The following ST6GALNAC3 variants were observed in gnomAD, a reference collection of about 807,000 sequenced individuals.
ST6GALNAC3 encodes the protein alpha-N-acetylgalactosaminide alpha-2,6-sialyltransferase 3.
Under a neutral mutation model 32.7 loss-of-function variants are expected in ST6GALNAC3, and 25 were observed. The observed-to-expected ratio is 0.76, with a 90% CI of 0.56 to 1.07. The LOEUF (loss-of-function observed/expected upper bound fraction) is 1.07. Among genes scored for constraint, ST6GALNAC3 ranks in the 50% least tolerant of loss-of-function variants. The probability of loss-of-function intolerance (pLI) is 0.00; values close to 1 mark genes in which losing one functional copy is unlikely to be tolerated. For missense variants in ST6GALNAC3, 355 were observed against 382.4 expected (o/e 0.93, Z 0.60); for synonymous variants, 129 against 133.1 (o/e 0.97, Z 0.21).
chr1:76,440,333 A>G (rs1439727153), intron 3 of ST6GALNAC3, among the ~76,000 whole-genome samples: 1 of 152,244 alleles, frequency 6.6e-6, no homozygotes, highest in Non-Finnish European at 1.5e-5. Flanking sequence ...ACATTTTCGA[A>G]AAGTAAGCCT....
intron 2 of ST6GALNAC3, among the ~76,000 whole-genome samples, chr1:76,379,996 GA>G (rs1282844821): frequency 6.6e-6 from 1 of 152,124 alleles, no homozygotes; most frequent in Non-Finnish European, 1.5e-5. Flanking sequence ...TTGTTGCAGA[GA>G]ATCTGAATCA....
rs138366263 is a variant in ST6GALNAC3 at position 76,360,340 on chromosome 1, A to G, written c.213+46341A>G. Among the ~76,000 whole-genome samples, 669 of 152,062 alleles carry G rather than the reference A, an allele frequency of 4.4e-3. 5 individuals are homozygous for G. The highest frequency in any genetic ancestry group is 0.034 in the Middle Eastern group (10 of 294). The stretch of plus-strand genomic sequence containing the variant: ...ACAGCTCTCATGTTGTTCTCTTTAC[A>G]TTCAGGTTATATAGAGGCCTGTGAT... On this transcript the variant is annotated intron_variant, in intron 2 of 4. Coordinates refer to ENST00000328299, the MANE Select transcript of ST6GALNAC3 (RefSeq NM_152996.4).
At chr1:76,412,485 T>C in intron 3 of ST6GALNAC3, 68 bp downstream of exon 3, 1 of 1,436,816 alleles carries the variant, frequency 7.0e-7, no homozygotes. Context: ...GCCAATTCCT[T>C]TTGCAGGATA....
At chr1:76,548,245 C>T (rs1664414702) in intron 3 of ST6GALNAC3, among the ~76,000 whole-genome samples, 1 of 152,188 alleles carries the variant, frequency 6.6e-6, no homozygotes, top group Non-Finnish European at 1.5e-5. Context: ...AATGTCCCCT[C>T]TTCTAAAAGG....
intron 1 of ST6GALNAC3, among the ~76,000 whole-genome samples, chr1:76,254,726 A>G (rs72675952): frequency 0.091 from 13,875 of 151,954 alleles, 1,552 homozygotes; most frequent in African/African-American, 0.27. Context: ...TTTTTCCCCT[A>G]TAATGTGTCA....
At chr1:76,378,707 T>C (rs1210298438) in intron 2 of ST6GALNAC3, among the ~76,000 whole-genome samples, 1 of 152,066 alleles carries the variant, frequency 6.6e-6, no homozygotes, top group Admixed American at 6.5e-5. Context: ...TTAGTGTTTT[T>C]GTACAAAGGA....
intron 3 of ST6GALNAC3, among the ~76,000 whole-genome samples, chr1:76,546,161 C>T (rs1246512487): frequency 2.0e-5 from 3 of 152,184 alleles, no homozygotes; most frequent in Non-Finnish European, 2.9e-5. Flanking sequence ...GAAGGCCTTA[C>T]ATACGCTATA....
chr1:76,104,238 A>T (rs181110035), intron 1 of ST6GALNAC3, among the ~76,000 whole-genome samples: 1 of 152,232 alleles, frequency 6.6e-6, no homozygotes, highest in Admixed American at 6.5e-5. Flanking sequence ...TTTTTTACAG[A>T]TATAATTTGA....
chr1:76,174,061 C>T (rs1334562218), intron 1 of ST6GALNAC3, among the ~76,000 whole-genome samples: 5 of 152,036 alleles, frequency 3.3e-5, no homozygotes, highest in African/African-American at 4.8e-5. Context: ...GCACTATTTA[C>T]GATAGCAAAG....
chr1:76,466,803 G>C (rs1389518714), intron 3 of ST6GALNAC3, among the ~76,000 whole-genome samples: 1 of 152,026 alleles, frequency 6.6e-6, no homozygotes, highest in African/African-American at 2.4e-5. Context: ...TTAAAATTTT[G>C]TGATATAGAG....
chr1:76,485,261 C>G (rs1237846342), intron 3 of ST6GALNAC3, among the ~76,000 whole-genome samples: 1 of 152,298 alleles, frequency 6.6e-6, no homozygotes, highest in Non-Finnish European at 1.5e-5. Context: ...AGGTTTCCCT[C>G]TTTTTCTATT....
chr1:76,612,783 G>A (rs1182195559), intron 3 of ST6GALNAC3, among the ~76,000 whole-genome samples: 1 of 152,196 alleles, frequency 6.6e-6, no homozygotes, highest in Non-Finnish European at 1.5e-5. Context: ...GAGGTGAATG[G>A]CAGCTGCTCT....
At chr1:76,287,345 T>G (rs945747101) in intron 1 of ST6GALNAC3, among the ~76,000 whole-genome samples, 8 of 152,116 alleles carry the variant, frequency 5.3e-5, no homozygotes. Context: ...GAAGTTATTT[T>G]TAAGTTTGCA....
chr1:76,403,626 G>T (rs1285744870), intron 2 of ST6GALNAC3, among the ~76,000 whole-genome samples: 1 of 152,056 alleles, frequency 6.6e-6, no homozygotes, highest in Non-Finnish European at 1.5e-5. Flanking sequence ...ATTTTTAAAA[G>T]TTCTCCTGGT....
chr1:76,530,416 GA>G (rs1456736341), intron 3 of ST6GALNAC3, among the ~76,000 whole-genome samples: 4 of 152,242 alleles, frequency 2.6e-5, no homozygotes, highest in East Asian at 3.9e-4. Context: ...CATTATACTT[GA>G]AAAATGTGAG....
intron 1 of ST6GALNAC3, among the ~76,000 whole-genome samples, chr1:76,167,485 C>T (rs1420821938): frequency 6.6e-6 from 1 of 152,184 alleles, no homozygotes; most frequent in Non-Finnish European, 1.5e-5. Context: ...GTTTTGGTAT[C>T]AGCATGATGC....
chr1:76,348,209 G>A (rs1039085086), intron 2 of ST6GALNAC3, among the ~76,000 whole-genome samples: 7 of 152,106 alleles, frequency 4.6e-5, no homozygotes, highest in African/African-American at 1.7e-4. Context: ...CTACACTATG[G>A]TACAGAGATA....
chr1:76,539,188 A>G (rs1030984797), intron 3 of ST6GALNAC3, among the ~76,000 whole-genome samples: 1 of 152,190 alleles, frequency 6.6e-6, no homozygotes, highest in Non-Finnish European at 1.5e-5. Context: ...AGGGAACAGA[A>G]CAGAGACCTC....
chr1:76,144,615 TG>T lies in ST6GALNAC3; in HGVS notation c.18+69734del, dbSNP rs371964047. Among the ~76,000 whole-genome samples the T allele has an allele frequency of 8.5e-5, 13 of 152,336 alleles. 1 individual carries two copies. The East Asian group carries it at 1.2e-3, about 14-fold the overall frequency. On this transcript the variant is annotated intron_variant, in intron 1 of 4. Transcript: ENST00000328299. ...CCTTGGCTTCACCTGGGAGGGGAGA[TG>T]GGCAGTGAGCCCATGCTAGCTTCTA...
Sources: gnomAD v4.1 joint callset for allele counts (sites outside exome capture counted in the v4.1 genomes callset) on GRCh38, gnomAD v4.1.1 for gene constraint, MANE v1.5 for transcripts, NCBI Gene and HGNC (gene_info 2026-07-23, HGNC 2026-07-21) for gene names.